GNAQ: variants seen among roughly 807,000 people sequenced by gnomAD.
The protein encoded by GNAQ is G protein subunit alpha q, also known as guanine nucleotide-binding protein G(q) subunit alpha.
GNAQ carries 8 observed loss-of-function variants against 43.9 expected under a neutral mutation model. The observed-to-expected ratio is 0.18, with a 90% CI of 0.11 to 0.33. The LOEUF (loss-of-function observed/expected upper bound fraction) is 0.33, where lower values mean the gene tolerates loss of function less well. Ranked by LOEUF, GNAQ falls within the 10% of genes least tolerant of loss-of-function variation. The probability of loss-of-function intolerance (pLI) is 1.00; values close to 1 mark genes in which losing one functional copy is unlikely to be tolerated. For missense variants in GNAQ, 158 were observed against 450.8 expected (o/e 0.35, Z 5.88); for synonymous variants, 155 against 170.7 (o/e 0.91, Z 0.71).
At chr9:77,802,708 C>A (rs976458667) in intron 3 of GNAQ, among the ~76,000 whole-genome samples, 4 of 152,004 alleles carry the variant, frequency 2.6e-5, no homozygotes, top group African/African-American at 9.7e-5. Flanking sequence ...ATTTCCAAGG[C>A]AATGTATGTG....
At chr9:77,930,549 G>A (rs1829134512) in intron 1 of GNAQ, among the ~76,000 whole-genome samples, 1 of 152,024 alleles carries the variant, frequency 6.6e-6, no homozygotes, top group African/African-American at 2.4e-5. Context: ...TTTCATTTAT[G>A]TCTTTAAAAA....
intron 1 of GNAQ, among the ~76,000 whole-genome samples, chr9:77,942,870 C>G (rs1829334399): frequency 6.6e-6 from 1 of 152,164 alleles, no homozygotes; most frequent in Non-Finnish European, 1.5e-5. Context: ...AAATTTCTAA[C>G]AAGCATTTAC....
At chr9:77,946,077 G>C (rs1391668199) in intron 1 of GNAQ, among the ~76,000 whole-genome samples, 2 of 152,136 alleles carry the variant, frequency 1.3e-5, no homozygotes, top group Non-Finnish European at 2.9e-5. Context: ...TATTAGATGG[G>C]AAGTTAACTG....
chr9:78,025,347 A>C lies in GNAQ; in HGVS notation c.136+5753T>G, dbSNP rs139891338. Among the ~76,000 whole-genome samples, 74 of 152,340 alleles carry C rather than the reference A, an allele frequency of 4.9e-4. 1 individual carries two copies. In the Middle Eastern group the frequency reaches 0.01, roughly 21 times the overall value. On this transcript the variant is annotated intron_variant, in intron 1 of 6. Transcript: ENST00000286548. ...ACACAAAATAGTGTTTGGGTCTGAG[A>C]GCAGCTCTTTCTTTAATGTTACTCC...
At chr9:77,768,462 A>C (rs1826168406) in intron 5 of GNAQ, among the ~76,000 whole-genome samples, 1 of 152,208 alleles carries the variant, frequency 6.6e-6, no homozygotes, top group South Asian at 2.1e-4. Context: ...CCTAAGCTTG[A>C]TGTTCAAGTG....
intron 2 of GNAQ, among the ~76,000 whole-genome samples, chr9:77,864,425 G>A (rs994409936): frequency 6.6e-6 from 1 of 152,210 alleles, no homozygotes; most frequent in African/African-American, 2.4e-5. Context: ...TATTGTGGCT[G>A]ATCAGCTGAC....
intron 2 of GNAQ, among the ~76,000 whole-genome samples, chr9:77,823,462 A>C (rs920286355): frequency 2.0e-5 from 3 of 152,192 alleles, no homozygotes; most frequent in African/African-American, 7.2e-5. Flanking sequence ...TTTGAGTATT[A>C]AAAAGGCTAC....
intron 1 of GNAQ, among the ~76,000 whole-genome samples, chr9:77,971,273 A>G (rs1226897619): frequency 1.3e-5 from 2 of 152,198 alleles, no homozygotes; most frequent in Non-Finnish European, 2.9e-5. Flanking sequence ...ACCCGAACTC[A>G]TTTTATGAGG....
chr9:78,002,379 G>A (rs1823655108), intron 1 of GNAQ, among the ~76,000 whole-genome samples: 1 of 152,072 alleles, frequency 6.6e-6, no homozygotes, highest in Non-Finnish European at 1.5e-5. Flanking sequence ...CCCACACAGA[G>A]ACACACAACC....
At chr9:77,933,372 G>A (rs902167403) in intron 1 of GNAQ, among the ~76,000 whole-genome samples, 6 of 152,138 alleles carry the variant, frequency 3.9e-5, no homozygotes, top group African/African-American at 1.4e-4. Flanking sequence ...CATTTATAAA[G>A]TGGCATCATC....
chr9:77,828,944 A>C (rs1468576802), intron 2 of GNAQ, among the ~76,000 whole-genome samples: 1 of 152,202 alleles, frequency 6.6e-6, no homozygotes, highest in Non-Finnish European at 1.5e-5. Flanking sequence ...ATATTTAACC[A>C]GTGGTATGGC....
chr9:77,984,163 T>G (rs1355486003), intron 1 of GNAQ, among the ~76,000 whole-genome samples: 1 of 145,298 alleles, frequency 6.9e-6, no homozygotes, highest in Non-Finnish European at 1.5e-5. Flanking sequence ...ATTTCTGGGA[T>G]TTTTTTGCTT....
intron 1 of GNAQ, among the ~76,000 whole-genome samples, chr9:78,020,832 G>T (rs1052739743): frequency 1.8e-4 from 28 of 152,092 alleles, no homozygotes; most frequent in African/African-American, 6.0e-4. Context: ...CAAATGTGAG[G>T]TCAAGGTAAG....
intron 4 of GNAQ, among the ~76,000 whole-genome samples, chr9:77,795,895 G>A (rs1421652699): frequency 6.6e-6 from 1 of 152,160 alleles, no homozygotes; most frequent in East Asian, 1.9e-4. Flanking sequence ...TCAAAAGCCA[G>A]TGTACAAAAC....
At chr9:77,992,458 T>C (rs1347165312) in intron 1 of GNAQ, among the ~76,000 whole-genome samples, 1 of 152,186 alleles carries the variant, frequency 6.6e-6, no homozygotes, top group Non-Finnish European at 1.5e-5. Flanking sequence ...AATTTGTTTT[T>C]TTAATTTTTT....
chr9:78,009,347 G>A (rs2118576060), intron 1 of GNAQ, among the ~76,000 whole-genome samples: 1 of 152,270 alleles, frequency 6.6e-6, no homozygotes, highest in East Asian at 1.9e-4. Context: ...TGACATGTGA[G>A]AAGCCCACTC....
chr9:77,914,361 T>C (rs974214130), intron 2 of GNAQ, among the ~76,000 whole-genome samples: 7 of 152,074 alleles, frequency 4.6e-5, no homozygotes, highest in African/African-American at 9.7e-5. Flanking sequence ...TAGATTCCTT[T>C]AGACTATTAA....
At chr9:77,926,292 T>G (rs1029156362) in intron 1 of GNAQ, among the ~76,000 whole-genome samples, 3 of 152,144 alleles carry the variant, frequency 2.0e-5, no homozygotes, top group African/African-American at 7.2e-5. Context: ...CTGATTAGTA[T>G]GAAAAATTTT....
intron 5 of GNAQ, among the ~76,000 whole-genome samples, chr9:77,779,382 T>C (rs11515757): frequency 0.02 from 3,106 of 151,850 alleles, 50 homozygotes; most frequent in Non-Finnish European, 0.032. Flanking sequence ...ATACAACTTA[T>C]CAAAATTTGT....
Sources: allele counts gnomAD v4.1 joint callset (sites outside exome capture counted in the v4.1 genomes callset), GRCh38; gene constraint gnomAD v4.1.1; transcripts MANE v1.5; gene names NCBI Gene and HGNC (gene_info 2026-07-23, HGNC 2026-07-21).